Variants in RALYL observed in about 807,000 individuals in gnomAD.
RALYL encodes RALY RNA binding protein like.
In RALYL, 29 loss-of-function variants were observed where a neutral mutation model predicts 35.1. The observed-to-expected ratio is 0.83, with a 90% CI of 0.61 to 1.13. The LOEUF (loss-of-function observed/expected upper bound fraction) is 1.13, where lower values mean the gene tolerates loss of function less well. Among genes scored for constraint, RALYL ranks in the 50% most tolerant of loss-of-function variants. The pLI is 0.00. For missense variants in RALYL, 359 were observed against 360.4 expected (o/e 1.00, Z 0.03); for synonymous variants, 120 against 127.6 (o/e 0.94, Z 0.40).
intron 4 of RALYL, among the ~76,000 whole-genome samples, chr8:84,840,285 G>A (rs1832945017): frequency 6.6e-6 from 1 of 152,156 alleles, no homozygotes; most frequent in Non-Finnish European, 1.5e-5. Context: ...GGACCTGATG[G>A]AGCTGAAAAC....
intron 1 of RALYL, among the ~76,000 whole-genome samples, chr8:84,472,582 T>C (rs990845272): frequency 6.6e-6 from 1 of 152,098 alleles, no homozygotes; most frequent in African/African-American, 2.4e-5. Flanking sequence ...GGATATGAGA[T>C]TGGGAATAAA....
intron 2 of RALYL, among the ~76,000 whole-genome samples, chr8:84,714,432 A>G (rs888691963): frequency 1.3e-5 from 2 of 151,744 alleles, no homozygotes; most frequent in South Asian, 2.1e-4. Flanking sequence ...ATGGTAATGG[A>G]TATGTTTCAT....
At chr8:84,852,324 T>C (rs889258406) in intron 5 of RALYL, among the ~76,000 whole-genome samples, 25 of 152,178 alleles carry the variant, frequency 1.6e-4, no homozygotes, top group Non-Finnish European at 1.8e-4. Context: ...AAGCATTTTA[T>C]AATTTCTATA....
intron 1 of RALYL, among the ~76,000 whole-genome samples, chr8:84,233,128 G>A (rs981176517): frequency 1.4e-4 from 21 of 151,898 alleles, no homozygotes; most frequent in African/African-American, 4.8e-4. Flanking sequence ...GACTGCAGAT[G>A]TGCACCACCA....
At chr8:84,344,203 T>C (rs1487894182) in intron 1 of RALYL, among the ~76,000 whole-genome samples, 6 of 152,088 alleles carry the variant, frequency 3.9e-5, no homozygotes, top group Non-Finnish European at 7.4e-5. Flanking sequence ...TGATTAGGTA[T>C]AATACAGATT....
intron 1 of RALYL, among the ~76,000 whole-genome samples, chr8:84,308,699 T>G (rs954267335): frequency 6.6e-6 from 1 of 152,214 alleles, no homozygotes; most frequent in Admixed American, 6.5e-5. Context: ...AAAATGTGTA[T>G]TTTTAAATTT....
intron 2 of RALYL, among the ~76,000 whole-genome samples, chr8:84,533,306 C>A (rs144108999): frequency 1.3e-5 from 2 of 152,024 alleles, no homozygotes; most frequent in East Asian, 3.9e-4. Flanking sequence ...ACATTATATG[C>A]GAGATAAAAA....
chr8:84,846,044 T>A (rs1478050399), intron 4 of RALYL, among the ~76,000 whole-genome samples: 1 of 152,170 alleles, frequency 6.6e-6, no homozygotes, highest in Non-Finnish European at 1.5e-5. Flanking sequence ...CGTAGCCTTG[T>A]AGTATAGTTT....
At chr8:84,701,546 A>T (rs944268699) in intron 2 of RALYL, among the ~76,000 whole-genome samples, 16 of 152,198 alleles carry the variant, frequency 1.1e-4, no homozygotes, top group Admixed American at 5.2e-4. Context: ...CCAGATAAAG[A>T]TGTCAATACT....
chr8:84,756,693 C>A (rs1585992946), intron 2 of RALYL, among the ~76,000 whole-genome samples: 1 of 152,030 alleles, frequency 6.6e-6, no homozygotes, highest in East Asian at 1.9e-4. Flanking sequence ...TTTTAATATT[C>A]ATATTGCTGA....
chr8:84,907,107 A>T (rs35382421), intron 8 of RALYL: 86,386 of 291,892 alleles, frequency 0.3, 13,396 homozygotes, highest in East Asian at 0.61. Context: ...AGTTTTAGGA[A>T]TACATTTTAA....
At chr8:84,666,824 C>T (rs1214829226) in intron 2 of RALYL, among the ~76,000 whole-genome samples, 2 of 152,030 alleles carry the variant, frequency 1.3e-5, no homozygotes, top group East Asian at 1.9e-4. Flanking sequence ...GTTGATGGTG[C>T]TTGGAGTTTA....
chr8:84,229,498 A>C (rs1015223283), intron 1 of RALYL, among the ~76,000 whole-genome samples: 1 of 152,214 alleles, frequency 6.6e-6, no homozygotes, highest in African/African-American at 2.4e-5. Flanking sequence ...GGAACTATTT[A>C]TCCCAAATAT....
At chr8:84,805,415 G>A (rs113490538) in intron 4 of RALYL, among the ~76,000 whole-genome samples, 47 of 152,278 alleles carry the variant, frequency 3.1e-4, no homozygotes, top group African/African-American at 6.5e-4. Context: ...TTGGCCAGGC[G>A]CGGTGGTTCA....
intron 4 of RALYL, among the ~76,000 whole-genome samples, chr8:84,819,285 G>A (rs977163848): frequency 6.6e-6 from 1 of 152,122 alleles, no homozygotes; most frequent in Non-Finnish European, 1.5e-5. Flanking sequence ...TAAAGCAGTT[G>A]TGCTTTCAGG....
At chr8:84,285,572 C>T (rs1357822351) in intron 1 of RALYL, among the ~76,000 whole-genome samples, 3 of 152,012 alleles carry the variant, frequency 2.0e-5, no homozygotes, top group African/African-American at 4.8e-5. Context: ...GGGGCATTAT[C>T]GTTCTAAATA....
intron 1 of RALYL, among the ~76,000 whole-genome samples, chr8:84,491,998 T>C (rs2055366271): frequency 6.6e-6 from 1 of 151,976 alleles, no homozygotes; most frequent in African/African-American, 2.4e-5. Context: ...AAAAAATTCA[T>C]ATAAATAAAG....
chr8:84,772,413 G>T (rs1316890937), intron 2 of RALYL, among the ~76,000 whole-genome samples: 1 of 151,898 alleles, frequency 6.6e-6, no homozygotes, highest in Non-Finnish European at 1.5e-5. Flanking sequence ...GATTTTATTG[G>T]AATTACATGG....
At chr8:84,752,174 T>C (rs1323288302) in intron 2 of RALYL, among the ~76,000 whole-genome samples, 1 of 152,148 alleles carries the variant, frequency 6.6e-6, no homozygotes, top group Non-Finnish European at 1.5e-5. Flanking sequence ...CAAAGGTCAC[T>C]CTTGTTATGT....
Sources: allele counts gnomAD v4.1 joint callset (sites outside exome capture counted in the v4.1 genomes callset), GRCh38; gene constraint gnomAD v4.1.1; transcripts MANE v1.5; gene names NCBI Gene and HGNC (gene_info 2026-07-23, HGNC 2026-07-21).